ARHGEF11: variants seen among roughly 807,000 people sequenced by gnomAD.
The protein encoded by ARHGEF11 is Rho guanine exchange factor (GEF) 11.
Under a neutral mutation model 193.7 loss-of-function variants are expected in ARHGEF11, and 55 were observed. That is an observed-to-expected ratio of 0.28 (90% CI 0.23 to 0.36). ARHGEF11 has a LOEUF of 0.36. ARHGEF11 is among the 10% of genes least tolerant of loss of function. The probability of loss-of-function intolerance (pLI) is 1.00; values close to 1 mark genes in which losing one functional copy is unlikely to be tolerated. For synonymous variants in ARHGEF11, 693 were observed against 768.0 expected (o/e 0.90, Z 1.62); for missense variants, 1,723 against 2,005.6 (o/e 0.86, Z 2.69).
intron 1 of ARHGEF11, among the ~76,000 whole-genome samples, chr1:157,026,317 T>C (rs1000279781): frequency 2.0e-5 from 3 of 152,198 alleles, no homozygotes; most frequent in African/African-American, 7.2e-5. Context: ...AAGCACTATT[T>C]CTCAGACCAT....
chr1:156,942,645 C>A (rs1657267533), intron 33 of ARHGEF11, 45 bp downstream of exon 33: 1 of 1,578,522 alleles, frequency 6.3e-7, no homozygotes, highest in South Asian at 1.1e-5. Context: ...CCACCCTGGT[C>A]CGAAAGGGAC....
chr1:157,005,970 C>T (rs2102725776), intron 1 of ARHGEF11, among the ~76,000 whole-genome samples: 1 of 152,336 alleles, frequency 6.6e-6, no homozygotes, highest in East Asian at 1.9e-4. Context: ...GCATTCTCCT[C>T]TGCTGGCCAG....
intron 1 of ARHGEF11, among the ~76,000 whole-genome samples, chr1:156,995,260 T>G (rs1666320727): frequency 1.3e-5 from 2 of 152,214 alleles, no homozygotes; most frequent in African/African-American, 2.4e-5. Context: ...CCCACTGTCC[T>G]TGCATGAAGT....
rs142780497 is a variant in ARHGEF11, at chr1:156,958,570, C to T, written c.1502+172G>A. Among the ~76,000 whole-genome samples the T allele has an allele frequency of 4.9e-3, 740 of 152,332 alleles. 4 individuals carry two copies. Among genetic ancestry groups the T allele is most frequent in the Non-Finnish European group, 8.1e-3 (552 of 68,036 alleles). ...CCAGGCTCTGCCACACCCTTGAACA[C>T]CTGCAGCCCTCAGCCTGACCAATGC... On this transcript the variant is annotated intron_variant, in intron 17 of 40. Transcript: ENST00000368194.
intron 18 of ARHGEF11, 24 bp downstream of exon 18, chr1:156,957,768 A>T: frequency 1.2e-6 from 2 of 1,613,622 alleles, no homozygotes; most frequent in Non-Finnish European, 1.7e-6. Context: ...GAAAGCTGCA[A>T]ATCCACATCA....
chr1:157,016,252 A>T (rs1288091608), intron 1 of ARHGEF11, among the ~76,000 whole-genome samples: 1 of 152,000 alleles, frequency 6.6e-6, no homozygotes, highest in Non-Finnish European at 1.5e-5. Flanking sequence ...ATTTTTTTTG[A>T]GACAGACTAT....
intron 10 of ARHGEF11, 32 bp from the exon 11 acceptor site, chr1:156,968,156 C>T (rs780576886): frequency 1.3e-6 from 2 of 1,587,678 alleles, no homozygotes; most frequent in African/African-American, 2.7e-5. Context: ...TGAGAAGGAA[C>T]CTTGTCCGGA....
At chr1:156,951,751 T>C (rs1422134777) in intron 21 of ARHGEF11, 52 bp from the exon 22 acceptor site, 3 of 1,609,778 alleles carry the variant, frequency 1.9e-6, no homozygotes, top group South Asian at 2.2e-5. Flanking sequence ...CAGGGATGGC[T>C]TCTCAGGCTT....
chr1:157,025,378 G>A (rs1377881448), intron 1 of ARHGEF11, among the ~76,000 whole-genome samples: 2 of 152,220 alleles, frequency 1.3e-5, no homozygotes, highest in African/African-American at 2.4e-5. Flanking sequence ...CAAAGTAGGT[G>A]TAGATGCTGA....
At chr1:156,936,742 T>G in intron 40 of ARHGEF11, 74 bp downstream of exon 40, 1 of 1,498,762 alleles carries the variant, frequency 6.7e-7, no homozygotes, top group Non-Finnish European at 9.1e-7. Context: ...TCTCACTGCT[T>G]AGTGATGTGT....
chr1:156,977,713 C>G (rs1036707841), intron 6 of ARHGEF11, among the ~76,000 whole-genome samples: 4 of 152,172 alleles, frequency 2.6e-5, no homozygotes, highest in African/African-American at 7.2e-5. Flanking sequence ...TGCGCCTAGC[C>G]TCTACTTGTT....
In ARHGEF11 at chr1:156,958,965, G is replaced by C. The variant is rs546112289; in HGVS notation, c.1379+81C>G. 2.4e-4 allele frequency: 386 copies of C among 1,608,006 alleles called. 1 individual carries two copies. The highest frequency in any genetic ancestry group is 3.1e-4 in the Non-Finnish European group (364 of 1,174,840). ...CAAACACATATAACAAGAGATATGTGCACGTCCCAGAGGGAAGGAGCCAGG... is the reference window on the plus strand; with the variant it reads ...CAAACACATATAACAAGAGATATGTCCACGTCCCAGAGGGAAGGAGCCAGG... On this transcript the variant is annotated intron_variant, in intron 16 of 40. Transcript: ENST00000368194.
At chr1:156,960,294 T>C (rs1660641409) in intron 15 of ARHGEF11, 124 bp downstream of exon 15, 2 of 892,122 alleles carry the variant, frequency 2.2e-6, no homozygotes, top group Admixed American at 2.1e-5. Context: ...ATGGGTCTTT[T>C]CCTCTATTAC....
At chr1:156,952,974 C>G (rs376448495) in intron 21 of ARHGEF11, among the ~76,000 whole-genome samples, 2 of 152,250 alleles carry the variant, frequency 1.3e-5, no homozygotes, top group Non-Finnish European at 2.9e-5. Context: ...TGAAAGCCGG[C>G]AGGCTGAGTC....
intron 13 of ARHGEF11, 55 bp from the exon 14 acceptor site, chr1:156,961,830 GC>G: frequency 6.6e-7 from 1 of 1,520,024 alleles, no homozygotes. Flanking sequence ...CAGTGATTTT[GC>G]CCCCTAGGGG....
At position 156,935,639 on chromosome 1, in the gene ARHGEF11, GCCT is replaced by G. The variant is rs1654908139; in HGVS notation, c.*358_*360del. 3 of 211,438 alleles carry G rather than the reference GCCT, an allele frequency of 1.4e-5. No individual in the cohort carries two copies. The highest frequency in any genetic ancestry group is 5.8e-5 in the Admixed American group (1 of 17,304). 13.1% of individuals were successfully genotyped at this position (211,438 alleles called of 1,614,324 possible). On this transcript the variant is annotated 3_prime_UTR_variant, in exon 41 of 41. Coordinates refer to ENST00000368194, the MANE Select transcript of ARHGEF11 (RefSeq NM_198236.3). ...AGGAAGAAAGTGCATTTACACAGAA[GCCT>G]CCTCCTTTCACTTGCATGTCTGAGG...
chr1:157,025,976 T>C (rs1342406859), intron 1 of ARHGEF11, among the ~76,000 whole-genome samples: 1 of 152,204 alleles, frequency 6.6e-6, no homozygotes, highest in African/African-American at 2.4e-5. Flanking sequence ...AGGATTATTG[T>C]ATTAAGTGGA....
In ARHGEF11 at chr1:156,935,845, A is replaced by G. The variant is rs1048302184; in HGVS notation, c.*155T>C. 1.2e-6 allele frequency: 1 copy of G among 809,188 alleles called. No individual in the cohort carries two copies. Among genetic ancestry groups the G allele is most frequent in the African/African-American group, 1.7e-5 (1 of 57,380 alleles). The allele number at this position is 809,188 out of a possible 1,614,324, so 50.1% of individuals were successfully genotyped here. ...CTCCGACTTGAGCAGACCAAGCAAC[A>G]TGCGGGTCTCCCCCCGGGCCTTGGC... On this transcript the variant is annotated 3_prime_UTR_variant, in exon 41 of 41. Coordinates refer to ENST00000368194, the MANE Select transcript of ARHGEF11 (RefSeq NM_198236.3).
intron 3 of ARHGEF11, among the ~76,000 whole-genome samples, chr1:156,983,552 C>T (rs1329742859): frequency 6.6e-6 from 1 of 152,184 alleles, no homozygotes; most frequent in Non-Finnish European, 1.5e-5. Flanking sequence ...TCTTCCTCAG[C>T]CTGGACCACC....
Sources: gnomAD v4.1 joint callset for allele counts (sites outside exome capture counted in the v4.1 genomes callset) on GRCh38, gnomAD v4.1.1 for gene constraint, MANE v1.5 for transcripts, NCBI Gene and HGNC (gene_info 2026-07-23, HGNC 2026-07-21) for gene names.